Variants in MPP1 observed in about 807,000 individuals in gnomAD.
MPP1 encodes the protein 55 kDa erythrocyte membrane protein.
Under a neutral mutation model 38.2 loss-of-function variants are expected in MPP1, and 6 were observed. The observed-to-expected ratio is 0.16, with a 90% CI of 0.09 to 0.31. The LOEUF (loss-of-function observed/expected upper bound fraction) is 0.31, where lower values mean the gene tolerates loss of function less well. Among genes scored for constraint, MPP1 ranks in the 10% least tolerant of loss-of-function variants. The pLI, the probability that MPP1 is intolerant of heterozygous loss-of-function variation, is 1.00. For missense variants in MPP1, 293 were observed against 368.9 expected, an observed-to-expected ratio of 0.79 and a Z score of 1.69; for synonymous variants, 153 against 146.3, an observed-to-expected ratio of 1.05 and a Z score of -0.33.
chrX:154,781,537 A>G lies in MPP1; in HGVS notation c.1149+63T>C, dbSNP rs5987025. 2.4e-3 allele frequency: 2,693 copies of G among 1,116,430 alleles called. 39 individuals are homozygous for G. In the African/African-American group the frequency reaches 0.044, roughly 18 times the overall value. 92.0% of individuals were successfully genotyped at this position (1,116,430 alleles called of 1,213,427 possible). On this transcript the variant is annotated intron_variant, in intron 10 of 11. Coordinates refer to ENST00000369534, the MANE Select transcript of MPP1 (RefSeq NM_002436.4). ...AGCCCCCAGAAGATTCCCAAGGAGC[A>G]CTGTCTTCGCCATCCCTTGTGTGGC...
At position 154,805,257 on chromosome X, in the gene MPP1, G is replaced by C. The variant is rs372131959; in HGVS notation, c.102+15C>G. ...CCCCGGCCCAGCGCCCTTGGGACTA[G>C]CGGGGCCCGCTCACCTCTGGCCGAC... On this transcript the variant is annotated intron_variant, in intron 1 of 11. Coordinates refer to ENST00000369534, the MANE Select transcript of MPP1 (RefSeq NM_002436.4). The C allele has an allele frequency of 5.0e-4, 595 of 1,187,143 alleles. No individual in the cohort carries two copies. Among genetic ancestry groups the C allele is most frequent in the Non-Finnish European group, 6.5e-4 (571 of 880,810 alleles).
Position 154,801,787 on chromosome X carries a change from C to CAAAAA in MPP1, c.102+3480_102+3484dup, listed in dbSNP as rs782548268. On this transcript the variant is annotated intron_variant, in intron 1 of 11. Coordinates refer to ENST00000369534, the MANE Select transcript of MPP1 (RefSeq NM_002436.4). ...AAAAAAAAAAAAAAAAAAAAAAAAACAAAAAACAGAAAAAAGTCATGAAGT... is the reference window on the plus strand; with the variant it reads ...AAAAAAAAAAAAAAAAAAAAAAAAACAAAAAAAAAAACAGAAAAAAGTCATGAAGT... Among the ~76,000 whole-genome samples the CAAAAA allele has an allele frequency of 1.2e-4, 8 of 67,076 alleles. 1 individual carries two copies. The highest frequency in any genetic ancestry group is 9.3e-3 in the Middle Eastern group (1 of 108). The allele number at this position is 67,076 out of a possible 115,157, so 58.2% of individuals were successfully genotyped here.
intron 1 of MPP1, among the ~76,000 whole-genome samples, chrX:154,804,074 A>G (rs2072293474): frequency 8.9e-6 from 1 of 111,859 alleles, no homozygotes; most frequent in Non-Finnish European, 1.9e-5. Flanking sequence ...TGAATGCCTC[A>G]CTCGAGTGGA....
At chrX:154,799,364 T>G (rs1211809654) in intron 1 of MPP1, among the ~76,000 whole-genome samples, 1 of 111,879 alleles carries the variant, frequency 8.9e-6, no homozygotes. Context: ...AACTTGTCCC[T>G]GAGCCACCCT....
rs1557269048 is a variant in MPP1 at position 154,805,301 on chromosome X, G to T, written c.73C>A (p.His25Asn). 1 of 1,207,652 alleles carries T rather than the reference G, an allele frequency of 8.3e-7. No homozygotes were observed. Among genetic ancestry groups the T allele is most frequent in the Non-Finnish European group, 1.1e-6 (1 of 893,177 alleles). The change falls in exon 1 of 12, where the codon CAT becomes AAT. Residue 25 changes from histidine (H) to asparagine (N), a missense_variant. By Grantham distance (68) the His-to-Asn change is moderately conservative. Transcript: ENST00000369534. Reference protein sequence around the residue: ...HTALSDLYLEHLLQKRSRPEA... With the variant: ...HTALSDLYLENLLQKRSRPEA... ...GGCCGACTACGCTTCTGCAGCAAAT[G>T]CTCCAGGTAGAGGTCGGAGAGCGCC... is the stretch of plus-strand genomic sequence containing the variant.
At chrX:154,801,742 G>C (rs2072263350) in intron 1 of MPP1, among the ~76,000 whole-genome samples, 1 of 48,773 alleles carries the variant, frequency 2.1e-5, no homozygotes, top group Admixed American at 3.5e-4. Context: ...CTGGGTGACA[G>C]AGCAAAACTC....
intron 4 of MPP1, among the ~76,000 whole-genome samples, 179 bp downstream of exon 4, chrX:154,790,804 A>G (rs1227833247): frequency 8.9e-6 from 1 of 111,932 alleles, no homozygotes. Context: ...CTGCTTTAGA[A>G]TTTTACTAAA....
At chrX:154,787,678 C>G (rs1192831464) in intron 5 of MPP1, among the ~76,000 whole-genome samples, 1 of 111,849 alleles carries the variant, frequency 8.9e-6, no homozygotes, top group African/African-American at 3.3e-5. Flanking sequence ...TGCTATGTTA[C>G]CCAGGTTGGT....
chrX:154,785,509 T>A (rs782260907), intron 6 of MPP1, among the ~76,000 whole-genome samples: 66 of 111,546 alleles, frequency 5.9e-4, no homozygotes, highest in Non-Finnish European at 8.7e-4. Context: ...TGCACATACA[T>A]CTATAAACAA....
In MPP1 at chrX:154,784,944, G is replaced by A. The variant is rs782807306; in HGVS notation, c.784+107C>T. Reference sequence around the variant, plus strand: ...AAATGACATGCTTTCTGTAGAATGCGCCTTCTGCTGCGCACTGCACCACCT... The same window carrying A: ...AAATGACATGCTTTCTGTAGAATGCACCTTCTGCTGCGCACTGCACCACCT... On this transcript the variant is annotated intron_variant, in intron 7 of 11. Transcript: ENST00000369534. 75 of 654,214 alleles carry A rather than the reference G, an allele frequency of 1.1e-4. No individual in the cohort carries two copies. The South Asian group carries it at 1.6e-3, about 14-fold the overall frequency. 53.9% of individuals were successfully genotyped at this position (654,214 alleles called of 1,213,427 possible).
At chrX:154,792,703 G>A (rs2072156097) in intron 1 of MPP1, among the ~76,000 whole-genome samples, 1 of 110,481 alleles carries the variant, frequency 9.1e-6, no homozygotes, top group African/African-American at 3.3e-5. Flanking sequence ...AGGGTTTCTG[G>A]CATGTTCTCT....
At chrX:154,783,310 TTAA>T (rs1294257122) in intron 9 of MPP1, 114 bp downstream of exon 9, 2 of 384,642 alleles carry the variant, frequency 5.2e-6, no homozygotes, top group Non-Finnish European at 7.9e-6. Flanking sequence ...TTGTTTAGTT[TTAA>T]TAATCATTTA....
intron 1 of MPP1, among the ~76,000 whole-genome samples, chrX:154,803,807 C>T (rs1190264765): frequency 8.9e-6 from 1 of 112,182 alleles, no homozygotes; most frequent in Non-Finnish European, 1.9e-5. Context: ...TTCATGAATT[C>T]TACTGTATGC....
intron 1 of MPP1, among the ~76,000 whole-genome samples, chrX:154,794,267 C>T (rs191436127): frequency 9.0e-6 from 1 of 111,596 alleles, no homozygotes; most frequent in African/African-American, 3.3e-5. Flanking sequence ...CATGGTAGAT[C>T]ACCTGTGGAT....
chrX:154,799,030 A>G (rs2072232776), intron 1 of MPP1, among the ~76,000 whole-genome samples: 2 of 111,823 alleles, frequency 1.8e-5, no homozygotes, highest in Admixed American at 9.4e-5. Context: ...CACCATGCCT[A>G]GCTATGTCAT....
rs1452525194 is a variant in MPP1 at position 154,783,952 on chromosome X, C to CT, written c.865+75dup. 2.6e-5 allele frequency: 25 copies of CT among 974,199 alleles called. No individual in the cohort carries two copies. The East Asian group carries it at 7.2e-4, about 28-fold the overall frequency. 80.3% of individuals were successfully genotyped at this position (974,199 alleles called of 1,213,427 possible). A position where few individuals can be genotyped will look rare whatever the true frequency, so the allele number is the denominator to read the frequency against. ...CCTCAGTTCTTTTCTTCCTCACTGC[C>CT]TTTTTTGGGGGTGGGCACGTGATGC... is the stretch of plus-strand genomic sequence containing the variant. On this transcript the variant is annotated intron_variant, in intron 8 of 11. Transcript: ENST00000369534.
chrX:154,799,748 G>A, intron 1 of MPP1: 1 of 1,161,142 alleles, frequency 8.6e-7, no homozygotes, highest in Non-Finnish European at 1.2e-6. Flanking sequence ...CACTCACCCA[G>A]GACTCCATGT....
chrX:154,794,685 A>T (rs1279104998), intron 1 of MPP1, among the ~76,000 whole-genome samples: 2 of 112,116 alleles, frequency 1.8e-5, no homozygotes, highest in Non-Finnish European at 1.9e-5. Flanking sequence ...ATGCCTGAGC[A>T]GTGTCCACTG....
intron 3 of MPP1, 37 bp from the exon 4 acceptor site, chrX:154,791,105 A>G: frequency 8.8e-7 from 1 of 1,138,189 alleles, no homozygotes; most frequent in Non-Finnish European, 1.2e-6. Flanking sequence ...CAAAAGAACA[A>G]AAGTTCAAAC....
Sources: gnomAD v4.1 joint callset for allele counts (sites outside exome capture counted in the v4.1 genomes callset) on GRCh38, gnomAD v4.1.1 for gene constraint, MANE v1.5 for transcripts, NCBI Gene and HGNC (gene_info 2026-07-23, HGNC 2026-07-21) for gene names.